GRID2: variants seen among roughly 807,000 people sequenced by gnomAD.
The protein encoded by GRID2 is glutamate ionotropic receptor delta type subunit 2.
GRID2 carries 33 observed loss-of-function variants against 114.8 expected under a neutral mutation model. That is an observed-to-expected ratio of 0.29 (90% CI 0.22 to 0.38). The LOEUF is 0.38. Ranked by LOEUF, GRID2 falls within the 10% of genes least tolerant of loss-of-function variation. The pLI is 1.00. For synonymous variants in GRID2, 505 were observed against 449.9 expected (o/e 1.12, Z -1.55); for missense variants, 1,184 against 1,257.7 (o/e 0.94, Z 0.89).
intron 1 of GRID2, among the ~76,000 whole-genome samples, chr4:92,548,425 A>G (rs536179536): frequency 0.023 from 76 of 3,270 alleles, no homozygotes; most frequent in African/African-American, 0.099. Flanking sequence ...TTTTTGAGAC[A>G]GAGTCTTGTT....
At chr4:92,642,595 G>C (rs189484942) in intron 2 of GRID2, among the ~76,000 whole-genome samples, 1 of 151,746 alleles carries the variant, frequency 6.6e-6, no homozygotes, top group Admixed American at 6.6e-5. Context: ...TGTTTACTCT[G>C]TTTATAGTCT....
At chr4:92,668,649 T>C (rs1732902802) in intron 2 of GRID2, among the ~76,000 whole-genome samples, 1 of 151,836 alleles carries the variant, frequency 6.6e-6, no homozygotes, top group Admixed American at 6.6e-5. Flanking sequence ...AATTGGCATA[T>C]ATCTGATTAA....
chr4:93,453,553 C>T (rs1477670386), intron 10 of GRID2, among the ~76,000 whole-genome samples: 1 of 151,960 alleles, frequency 6.6e-6, no homozygotes, highest in African/African-American at 2.4e-5. Context: ...AATCAGCTCC[C>T]TTTTCCTAAA....
At chr4:92,968,240 C>A (rs995263165) in intron 2 of GRID2, among the ~76,000 whole-genome samples, 1 of 151,888 alleles carries the variant, frequency 6.6e-6, no homozygotes, top group Non-Finnish European at 1.5e-5. Flanking sequence ...TAGATACAAT[C>A]TCCATTTTAC....
intron 2 of GRID2, among the ~76,000 whole-genome samples, chr4:92,820,189 C>A (rs1342432638): frequency 6.6e-6 from 1 of 152,122 alleles, no homozygotes; most frequent in Non-Finnish European, 1.5e-5. Context: ...GGGGAGAGGG[C>A]TATGACAAGA....
intron 13 of GRID2, among the ~76,000 whole-genome samples, chr4:93,594,410 T>G (rs1738796261): frequency 6.6e-6 from 1 of 152,200 alleles, no homozygotes; most frequent in African/African-American, 2.4e-5. Flanking sequence ...AGTCCGCCCA[T>G]TCTCAGATCT....
intron 1 of GRID2, among the ~76,000 whole-genome samples, chr4:92,442,369 G>A (rs1338533455): frequency 6.6e-6 from 1 of 152,046 alleles, no homozygotes; most frequent in Non-Finnish European, 1.5e-5. Flanking sequence ...CGGCTTAGGA[G>A]GAATTCCGGG....
intron 2 of GRID2, among the ~76,000 whole-genome samples, chr4:92,892,893 C>G (rs1286396308): frequency 6.6e-6 from 1 of 152,108 alleles, no homozygotes; most frequent in Non-Finnish European, 1.5e-5. Flanking sequence ...AATTTACTAA[C>G]ATTAAACTGT....
intron 1 of GRID2, among the ~76,000 whole-genome samples, chr4:92,467,053 C>T (rs980792514): frequency 6.6e-6 from 1 of 151,630 alleles, no homozygotes; most frequent in African/African-American, 2.4e-5. Flanking sequence ...TATTAGAGAA[C>T]ATTTTAATTA....
intron 2 of GRID2, among the ~76,000 whole-genome samples, chr4:92,864,109 T>C (rs1465427383): frequency 6.6e-6 from 1 of 152,166 alleles, no homozygotes; most frequent in East Asian, 1.9e-4. Context: ...TCAACTAAAG[T>C]ACCTGACTAG....
chr4:93,454,490 G>C (rs1300367322), intron 10 of GRID2, among the ~76,000 whole-genome samples: 1 of 151,866 alleles, frequency 6.6e-6, no homozygotes, highest in African/African-American at 2.4e-5. Flanking sequence ...TTCATTGTAA[G>C]GACTAAGTAA....
chr4:92,494,162 C>T (rs1723278469), intron 1 of GRID2, among the ~76,000 whole-genome samples: 1 of 151,976 alleles, frequency 6.6e-6, no homozygotes, highest in Non-Finnish European at 1.5e-5. Flanking sequence ...GATTTTTCTT[C>T]CCCATAAAAC....
chr4:93,649,611 T>G (rs1300180061), intron 14 of GRID2, among the ~76,000 whole-genome samples: 1 of 152,120 alleles, frequency 6.6e-6, no homozygotes, highest in East Asian at 1.9e-4. Flanking sequence ...CTTGATAACT[T>G]AAAATCACAG....
At chr4:93,432,795 C>T (rs377085575) in intron 10 of GRID2, among the ~76,000 whole-genome samples, 1 of 152,128 alleles carries the variant, frequency 6.6e-6, no homozygotes, top group Non-Finnish European at 1.5e-5. Flanking sequence ...GGCAAGGTGG[C>T]TCATGCCTGT....
chr4:93,235,794 A>T (rs147859285), intron 7 of GRID2, among the ~76,000 whole-genome samples: 45 of 152,244 alleles, frequency 3.0e-4, no homozygotes, highest in Non-Finnish European at 4.7e-4. Flanking sequence ...TTCTTCAAGT[A>T]AACTAAGTCA....
intron 2 of GRID2, among the ~76,000 whole-genome samples, chr4:92,810,885 G>A (rs566267371): frequency 2.6e-5 from 4 of 152,070 alleles, no homozygotes; most frequent in Admixed American, 6.6e-5. Flanking sequence ...TCCGCCTCCC[G>A]GGTTCAAGTG....
At chr4:92,708,601 A>G (rs530973161) in intron 2 of GRID2, among the ~76,000 whole-genome samples, 1 of 152,210 alleles carries the variant, frequency 6.6e-6, no homozygotes, top group South Asian at 2.1e-4. Context: ...GAAATGTGAC[A>G]GATTATCACC....
intron 11 of GRID2, among the ~76,000 whole-genome samples, chr4:93,476,445 C>T (rs763288090): frequency 2.0e-5 from 3 of 152,006 alleles, no homozygotes; most frequent in Non-Finnish European, 4.4e-5. Flanking sequence ...AATTGAATTT[C>T]TAAACTTTCA....
At chr4:92,751,384 T>TA (rs1737448959) in intron 2 of GRID2, among the ~76,000 whole-genome samples, 1 of 152,162 alleles carries the variant, frequency 6.6e-6, no homozygotes, top group Non-Finnish European at 1.5e-5. Context: ...AAAACACATT[T>TA]AAAATGAAAG....
Sources: allele counts gnomAD v4.1 joint callset (sites outside exome capture counted in the v4.1 genomes callset), GRCh38; gene constraint gnomAD v4.1.1; transcripts MANE v1.5; gene names NCBI Gene and HGNC (gene_info 2026-07-23, HGNC 2026-07-21).